GNG3: variants seen among roughly 807,000 people sequenced by gnomAD.
GNG3 encodes the protein guanine nucleotide-binding protein G(I)/G(S)/G(O) subunit gamma-3.
A neutral mutation model predicts 5.6 loss-of-function variants in GNG3; 4 were observed. The observed-to-expected ratio is 0.71, with a 90% CI of 0.35 to 1.63. GNG3 has a LOEUF of 1.63. Among genes scored for constraint, GNG3 ranks in the 40% most tolerant of loss-of-function variants. GNG3 has a pLI of 0.05. For synonymous variants in GNG3, 30 were observed against 33.5 expected (o/e 0.89, Z 0.36); for missense variants, 62 against 96.6 (o/e 0.64, Z 1.50).
upstream of GNG3, chr11:62,706,528 C>G (rs2083541609): frequency 2.2e-5 from 10 of 451,570 alleles, no homozygotes; most frequent in South Asian, 1.6e-4. Flanking sequence ...CCCTGCAGGC[C>G]CCAAGATGTG....
At chr11:62,706,494 A>ACCCCTTT (rs2083541194), upstream of GNG3, 1 of 407,642 alleles carries the variant, frequency 2.5e-6, no homozygotes, top group African/African-American at 2.1e-5. Context: ...GGTTACCGTG[A>ACCCCTTT]CCAAAGGGGA....
At chr11:62,708,549 G>C (rs972771734) in intron 2 of GNG3, 129 bp from the exon 3 acceptor site, 3 of 1,354,076 alleles carry the variant, frequency 2.2e-6, no homozygotes, top group Admixed American at 2.0e-5. Flanking sequence ...CCAGGCCTCT[G>C]GGGGGGATGA....
intron 1 of GNG3, 95 bp from the exon 2 acceptor site, chr11:62,708,200 G>T (rs2083574861): frequency 1.2e-6 from 1 of 822,970 alleles, no homozygotes; most frequent in Non-Finnish European, 2.2e-6. Context: ...AAAATATTGG[G>T]GTATGACCAC....
At chr11:62,708,501 CA>C in intron 2 of GNG3, 107 bp downstream of exon 2, 2 of 1,209,454 alleles carry the variant, frequency 1.7e-6, no homozygotes, top group Non-Finnish European at 2.4e-6. Context: ...TCCCTGAGGT[CA>C]GGGGAGGAGT....
intron 1 of GNG3, 140 bp from the exon 2 acceptor site, chr11:62,708,155 C>G: frequency 1.4e-6 from 1 of 690,002 alleles, no homozygotes. Flanking sequence ...ATGAGACAGT[C>G]CACTGGAGGA....
rs1051073537 is a variant in GNG3 at position 62,709,108 on chromosome 11, A to G, written c.*302A>G. On this transcript the variant is annotated 3_prime_UTR_variant, in exon 3 of 3. Coordinates refer to ENST00000294117, the MANE Select transcript of GNG3 (RefSeq NM_012202.5). Reference sequence around the variant, plus strand: ...CTTCCCTCGGTGACCTGCTCAGACAATGGAGAGGGATGGGCCAGGTTCTTG... The same window carrying G: ...CTTCCCTCGGTGACCTGCTCAGACAGTGGAGAGGGATGGGCCAGGTTCTTG... 1.5e-5 allele frequency: 7 copies of G among 475,394 alleles called. No homozygotes were observed. The highest frequency in any genetic ancestry group is 5.5e-5 in the East Asian group (1 of 18,298). 29.4% of individuals were successfully genotyped at this position (475,394 alleles called of 1,614,324 possible).
upstream of GNG3, chr11:62,707,439 G>T: frequency 1.4e-6 from 1 of 696,986 alleles, no homozygotes; most frequent in Non-Finnish European, 2.6e-6. Flanking sequence ...AGGGTCCCCC[G>T]CAGCCAGTAC....
upstream of GNG3, chr11:62,707,496 G>A (rs1399601550): frequency 4.7e-6 from 3 of 643,346 alleles, no homozygotes; most frequent in Non-Finnish European, 8.4e-6. Flanking sequence ...CGCCATTTGA[G>A]AGGGGGAGTC....
In GNG3 at chr11:62,708,673, C is replaced by T. The variant is rs774578704; in HGVS notation, c.100-5C>T. The T allele has an allele frequency of 1.2e-6, 2 of 1,613,618 alleles. No homozygotes were observed. Among genetic ancestry groups the T allele is most frequent in the Admixed American group, 1.7e-5 (1 of 59,966 alleles). On this transcript the variant is annotated splice_region_variant and splice_polypyrimidine_tract_variant and intron_variant, in intron 2 of 2. Coordinates refer to ENST00000294117, the MANE Select transcript of GNG3 (RefSeq NM_012202.5). Reference sequence around the variant, plus strand: ...CTAACAATACCCTTCCTGGCTGTGTCCCAGGTGTCCAAGGCAGCAGCAGAC... The same window carrying T: ...CTAACAATACCCTTCCTGGCTGTGTTCCAGGTGTCCAAGGCAGCAGCAGAC...
chr11:62,707,475 G>A (rs2083561708), upstream of GNG3: 1 of 667,138 alleles, frequency 1.5e-6, no homozygotes, highest in Non-Finnish European at 2.7e-6. Flanking sequence ...GGCCGTCATA[G>A]GCCCAGACCA....
chr11:62,708,330 G>A lies in GNG3; in HGVS notation c.35G>A (p.Ser12Asn). ...KGETPVNSTM[S>N]IGQARKMVEQ... ...GAGACCCCGGTGAACAGCACTATGAGTATTGGGCAAGCACGCAAGATGGTG... is the reference window on the plus strand; with the variant it reads ...GAGACCCCGGTGAACAGCACTATGAATATTGGGCAAGCACGCAAGATGGTG... The change falls in exon 2 of 3, where the codon AGT becomes AAT. Residue 12 changes from serine to asparagine, a missense_variant. Ser to Asn is a conservative substitution (Grantham distance 46, BLOSUM62 1). This residue lies in a region of GNG3 where 58 missense variants were observed against 75.4 expected (regional missense o/e 0.77). Coordinates refer to ENST00000294117, the MANE Select transcript of GNG3 (RefSeq NM_012202.5). 6.2e-7 allele frequency: 1 copy of A among 1,613,712 alleles called. No individual in the cohort carries two copies.
At chr11:62,707,197 T>C, upstream of GNG3, 1 of 1,552,372 alleles carries the variant, frequency 6.4e-7, no homozygotes, top group Non-Finnish European at 8.7e-7. Flanking sequence ...TGTAGACATC[T>C]TCCTGACGAG....
At chr11:62,706,634 C>T (rs1467424706), upstream of GNG3, 5 of 472,926 alleles carry the variant, frequency 1.1e-5, no homozygotes, top group African/African-American at 2.0e-5. Context: ...GCCATTTCAC[C>T]CGCGAAGCGG....
chr11:62,707,083 C>T (rs983973824), upstream of GNG3: 34 of 1,544,822 alleles, frequency 2.2e-5, no homozygotes, highest in Admixed American at 5.9e-5. Flanking sequence ...TATATTTCTG[C>T]TGACTGTCCC....
At chr11:62,706,539 C>T, upstream of GNG3, 1 of 458,188 alleles carries the variant, frequency 2.2e-6, no homozygotes, top group Non-Finnish European at 4.4e-6. Flanking sequence ...CCAAGATGTG[C>T]CCCAGGGGAT....
chr11:62,706,550 G>GC (rs2083542076), upstream of GNG3: 42 of 461,208 alleles, frequency 9.1e-5, 1 homozygote, highest in South Asian at 6.5e-4. Flanking sequence ...CCCAGGGGAT[G>GC]CGCTGACTGC....
intron 1 of GNG3, 179 bp from the exon 2 acceptor site, chr11:62,708,116 C>T: frequency 3.2e-6 from 2 of 621,004 alleles, no homozygotes; most frequent in African/African-American, 3.7e-5. Context: ...CCTCATCCCA[C>T]CCTATTTTTT....
intron 1 of GNG3, 185 bp from the exon 2 acceptor site, chr11:62,708,110 A>C (rs1433864947): frequency 1.6e-6 from 1 of 617,132 alleles, no homozygotes; most frequent in East Asian, 2.8e-5. Context: ...GGAGCACCTC[A>C]TCCCACCCTA....
Position 62,708,305 on chromosome 11 carries a change from G to C in GNG3, c.10G>C (p.Glu4Gln). 1 of 1,610,978 alleles carries C rather than the reference G, an allele frequency of 6.2e-7. No individual in the cohort carries two copies. Among genetic ancestry groups the C allele is most frequent in the Non-Finnish European group, 8.5e-7 (1 of 1,177,054 alleles). Residue 4 changes from glutamate (E) to glutamine (Q), a missense_variant, in exon 2 of 3, where the codon GAG becomes CAG. By Grantham distance (29) the Glu-to-Gln change is conservative (BLOSUM62 2). Coordinates refer to ENST00000294117, the MANE Select transcript of GNG3 (RefSeq NM_012202.5). ...CCCTCTTTTTTCCAGGATGAAAGGT[G>C]AGACCCCGGTGAACAGCACTATGAG... MKGETPVNSTMSIG... is the reference protein window; with the variant it reads MKGQTPVNSTMSIG...
Sources: allele counts gnomAD v4.1 joint callset, GRCh38; gene constraint gnomAD v4.1.1; regional missense constraint gnomAD v4.1.1; transcripts MANE v1.5; gene names NCBI Gene and HGNC (gene_info 2026-07-23, HGNC 2026-07-21).